Variants in ST3GAL3 observed in about 807,000 individuals in gnomAD.
ST3GAL3 encodes the protein ST3 beta-galactoside alpha-2,3-sialyltransferase 3, also known as CMP-N-acetylneuraminate-beta-1,4-galactoside alpha-2,3-sialyltransferase.
ST3GAL3 carries 21 observed loss-of-function variants against 50.1 expected under a neutral mutation model. That is an observed-to-expected ratio of 0.42 (90% CI 0.30 to 0.60). The LOEUF (loss-of-function observed/expected upper bound fraction) is 0.60, where lower values mean the gene tolerates loss of function less well. Among genes scored for constraint, ST3GAL3 ranks in the 20% least tolerant of loss-of-function variants. The pLI is 0.19. For synonymous variants in ST3GAL3, 183 were observed against 190.0 expected, an observed-to-expected ratio of 0.96 and a Z score of 0.30; for missense variants, 353 against 489.4, an observed-to-expected ratio of 0.72 and a Z score of 2.63.
At chr1:43,713,795 C>T (rs966596096) in intron 1 of ST3GAL3, among the ~76,000 whole-genome samples, 3 of 152,124 alleles carry the variant, frequency 2.0e-5, no homozygotes, top group Admixed American at 6.6e-5. Flanking sequence ...CTCTGCCTCC[C>T]GAAGCGCTGG....
intron 2 of ST3GAL3, chr1:43,743,543 C>T: frequency 2.4e-6 from 1 of 417,916 alleles, no homozygotes. Flanking sequence ...AAGAGGGATA[C>T]ACCATTTAGT....
In ST3GAL3 at chr1:43,894,394, C is replaced by T. The variant is rs2077073886; in HGVS notation, c.314C>T (p.Pro105Leu). The change falls in exon 6 of 12, where the codon CCA becomes CTA. Residue 105 changes from proline (P) to leucine (L), a missense_variant. Transcript: ENST00000347631. ...MTAIFPRFSK[P>L]APMFLDDSFR... The stretch of plus-strand genomic sequence containing the variant: ...CTGTTATATTCCAGGTTCTCCAAGC[C>T]AGCACCCATGTTCCTGGATGACTCC... 1.2e-6 allele frequency: 2 copies of T among 1,614,060 alleles called. No homozygotes were observed. The highest frequency in any genetic ancestry group is 1.1e-5 in the South Asian group (1 of 91,090).
chr1:43,925,194 G>T (rs1365894688), intron 11 of ST3GAL3, among the ~76,000 whole-genome samples: 1 of 148,874 alleles, frequency 6.7e-6, no homozygotes, highest in Non-Finnish European at 1.5e-5. Flanking sequence ...AGAGGCTGAA[G>T]CAGGAGAATT....
At chr1:43,910,179 A>G (rs1213319530) in intron 9 of ST3GAL3, among the ~76,000 whole-genome samples, 3 of 152,206 alleles carry the variant, frequency 2.0e-5, no homozygotes, top group Admixed American at 6.5e-5. Context: ...AAACCCAAAT[A>G]TTACCTAAGG....
chr1:43,868,223 A>C (rs921459534), intron 5 of ST3GAL3, among the ~76,000 whole-genome samples: 1 of 152,126 alleles, frequency 6.6e-6, no homozygotes, highest in Non-Finnish European at 1.5e-5. Flanking sequence ...CCCACAGTTT[A>C]TTGTAAATTT....
chr1:43,850,572 T>C (rs2067101162), intron 5 of ST3GAL3: 1 of 731,304 alleles, frequency 1.4e-6, no homozygotes, highest in South Asian at 1.4e-5. Flanking sequence ...AGTGTTTCTA[T>C]CATCTGGGCA....
chr1:43,877,803 C>T (rs144163048), intron 5 of ST3GAL3, among the ~76,000 whole-genome samples: 1 of 152,176 alleles, frequency 6.6e-6, no homozygotes, highest in African/African-American at 2.4e-5. Flanking sequence ...GCAATGACTG[C>T]CCTTGTGCCC....
chr1:43,717,861 C>G (rs1218096392), intron 1 of ST3GAL3, among the ~76,000 whole-genome samples: 1 of 151,474 alleles, frequency 6.6e-6, no homozygotes, highest in Non-Finnish European at 1.5e-5. Context: ...AATAATTATA[C>G]CTATCATGAA....
chr1:43,876,999 G>A (rs568389330), intron 5 of ST3GAL3, among the ~76,000 whole-genome samples: 12 of 152,278 alleles, frequency 7.9e-5, no homozygotes, highest in South Asian at 2.1e-4. Context: ...CAGCCTCTGC[G>A]TTTGTATGGG....
chr1:43,920,895 C>T lies in ST3GAL3; in HGVS notation c.1005C>T (p.Tyr335=). The change falls in exon 11 of 12, where the codon TAC becomes TAT. Residue 335 remains tyrosine (Y), a synonymous_variant. Coordinates refer to ENST00000347631, the MANE Select transcript of ST3GAL3 (RefSeq NM_006279.5). ...GCACACCCAACGCACCCCTGCACTA[C>T]TATGAGACCGTTCGCATGGCAGCCA... ...DMSTPNAPLH[Y]YETVRMAAIK... The T allele has an allele frequency of 6.2e-7, 1 of 1,614,032 alleles. No homozygotes were observed.
At chr1:43,759,868 C>T (rs1457244509) in intron 2 of ST3GAL3, among the ~76,000 whole-genome samples, 1 of 152,110 alleles carries the variant, frequency 6.6e-6, no homozygotes, top group African/African-American at 2.4e-5. Context: ...CGTTGTTTCA[C>T]TCAAAAACGA....
At chr1:43,748,760 G>A (rs1684883597) in intron 2 of ST3GAL3, among the ~76,000 whole-genome samples, 1 of 152,024 alleles carries the variant, frequency 6.6e-6, no homozygotes, top group Non-Finnish European at 1.5e-5. Flanking sequence ...GCAGAGATGA[G>A]GTTTTGAGTT....
chr1:43,778,443 A>T (rs1698100183), intron 2 of ST3GAL3, among the ~76,000 whole-genome samples: 1 of 152,162 alleles, frequency 6.6e-6, no homozygotes, highest in South Asian at 2.1e-4. Context: ...AAAAATAAAA[A>T]GCCTTTTCAT....
intron 3 of ST3GAL3, among the ~76,000 whole-genome samples, chr1:43,812,216 T>TAAAA (rs1488434853): frequency 4.6e-5 from 7 of 151,670 alleles, no homozygotes; most frequent in Non-Finnish European, 8.8e-5. Context: ...AACTTAGAAA[T>TAAAA]TTTACCTTAA....
At chr1:43,818,860 G>T (rs987199151) in intron 4 of ST3GAL3, among the ~76,000 whole-genome samples, 1 of 152,146 alleles carries the variant, frequency 6.6e-6, no homozygotes, top group Non-Finnish European at 1.5e-5. Flanking sequence ...TACAACTGAA[G>T]ATAGAGTTAG....
At chr1:43,786,798 CTT>C (rs2057397407) in intron 2 of ST3GAL3, among the ~76,000 whole-genome samples, 1 of 152,150 alleles carries the variant, frequency 6.6e-6, no homozygotes, top group African/African-American at 2.4e-5. Flanking sequence ...TGAAATCTCC[CTT>C]GTTACTGTTT....
chr1:43,919,950 G>A (rs1571508274), intron 9 of ST3GAL3: 4 of 301,870 alleles, frequency 1.3e-5, no homozygotes, highest in South Asian at 1.1e-4. Flanking sequence ...TAGAACAGTC[G>A]ATGGAGAGAG....
chr1:43,895,514 TAGTTCCGTCAGC>T (rs2077268099), intron 6 of ST3GAL3, among the ~76,000 whole-genome samples: 1 of 152,216 alleles, frequency 6.6e-6, no homozygotes, highest in South Asian at 2.1e-4. Flanking sequence ...GTCTGTCCTT[TAGTTCCGTCAGC>T]AGTTAAATGG....
chr1:43,731,062 T>A lies in ST3GAL3; in HGVS notation c.-30-5171T>A, dbSNP rs576836732. Among the ~76,000 whole-genome samples the A allele has an allele frequency of 3.3e-5, 5 of 152,112 alleles. No individual in the cohort carries two copies. The East Asian group carries it at 9.7e-4, about 29-fold the overall frequency. On this transcript the variant is annotated intron_variant, in intron 1 of 11. Transcript: ENST00000347631. ...TTTTTTTTTTCTTTGAGATGGCATC[T>A]CACTCTGTCATCCAGGCTGGAGTAC...
Sources: gnomAD v4.1 joint callset for allele counts (sites outside exome capture counted in the v4.1 genomes callset) on GRCh38, gnomAD v4.1.1 for gene constraint, MANE v1.5 for transcripts, NCBI Gene and HGNC (gene_info 2026-07-23, HGNC 2026-07-21) for gene names.